The following PIK3C2A variants were observed in gnomAD, a reference collection of about 807,000 sequenced individuals.
The protein encoded by PIK3C2A is phosphatidylinositol 4-phosphate 3-kinase C2 domain-containing subunit alpha.
A neutral mutation model predicts 204.5 loss-of-function variants in PIK3C2A; 97 were observed. The observed-to-expected ratio is 0.47, with a 90% confidence interval of 0.40 to 0.56. PIK3C2A has a LOEUF of 0.56. Ranked by LOEUF, PIK3C2A falls within the 20% of genes least tolerant of loss-of-function variation. The probability of loss-of-function intolerance (pLI) is 0.00; values close to 1 mark genes in which losing one functional copy is unlikely to be tolerated. For synonymous variants in PIK3C2A, 653 were observed against 664.4 expected, an observed-to-expected ratio of 0.98 and a Z score of 0.26; for missense variants, 1,735 against 1,969.2, an observed-to-expected ratio of 0.88 and a Z score of 2.25.
rs770374653 is a variant in PIK3C2A at position 17,168,661 on chromosome 11, T to C, written c.1065+16A>G. Reference sequence around the variant, plus strand: ...TGTTATACTAAGTTTGAGAAGTTAGTAAGAAAAGACTATACCTGAGATATA... The same window carrying C: ...TGTTATACTAAGTTTGAGAAGTTAGCAAGAAAAGACTATACCTGAGATATA... On this transcript the variant is annotated intron_variant, in intron 2 of 32. Transcript: ENST00000691414. The C allele has an allele frequency of 2.6e-5, 37 of 1,442,222 alleles. No individual in the cohort carries two copies. The highest frequency in any genetic ancestry group is 3.5e-5 in the Non-Finnish European group (37 of 1,061,524). 89.3% of individuals were successfully genotyped at this position (1,442,222 alleles called of 1,614,324 possible).
intron 19 of PIK3C2A, 106 bp from the exon 20 acceptor site, chr11:17,114,571 G>A (rs1849118962): frequency 6.9e-6 from 4 of 583,930 alleles, no homozygotes; most frequent in Middle Eastern, 4.6e-4. Context: ...GTTGTCAAAC[G>A]GTGAAAAAAA....
At chr11:17,183,724 A>G (rs950854524) in intron 1 of PIK3C2A, among the ~76,000 whole-genome samples, 72 of 152,200 alleles carry the variant, frequency 4.7e-4, no homozygotes, top group Middle Eastern at 3.4e-3. Flanking sequence ...AGTTATGTAC[A>G]TATAGGAAAA....
chr11:17,090,053 G>A (rs777615544), intron 32 of PIK3C2A, 133 bp from the exon 33 acceptor site: 38 of 649,982 alleles, frequency 5.8e-5, no homozygotes, highest in Non-Finnish European at 9.6e-5. Flanking sequence ...TGACACATCC[G>A]GTAGGTTTTG....
chr11:17,102,583 A>T, intron 24 of PIK3C2A, 79 bp downstream of exon 24: 1 of 1,226,502 alleles, frequency 8.2e-7, no homozygotes, highest in Non-Finnish European at 1.2e-6. Context: ...CCGCGAGGCA[A>T]AACACAAAGC....
At chr11:17,102,354 G>A (rs529519792) in intron 24 of PIK3C2A, among the ~76,000 whole-genome samples, 7 of 152,198 alleles carry the variant, frequency 4.6e-5, no homozygotes, top group Admixed American at 1.3e-4. Context: ...GGAGAATGGC[G>A]TGAACCCGGG....
intron 32 of PIK3C2A, 99 bp from the exon 33 acceptor site, chr11:17,090,019 G>GTC: frequency 1.2e-6 from 1 of 835,144 alleles, no homozygotes; most frequent in Non-Finnish European, 1.9e-6. Context: ...GCCAAAGAGT[G>GTC]ACCACAATGA....
At chr11:17,178,688 G>A (rs1851421865) in intron 1 of PIK3C2A, among the ~76,000 whole-genome samples, 1 of 147,716 alleles carries the variant, frequency 6.8e-6, no homozygotes, top group South Asian at 2.2e-4. Context: ...ACAGGCGCTA[G>A]CCACCACACC....
intron 13 of PIK3C2A, among the ~76,000 whole-genome samples, chr11:17,127,458 GCCA>G (rs1849562569): frequency 6.6e-6 from 1 of 151,884 alleles, no homozygotes; most frequent in African/African-American, 2.4e-5. Context: ...ACAGATGTGC[GCCA>G]CCACACCTGG....
chr11:17,152,144 T>C (rs368141904), intron 3 of PIK3C2A, among the ~76,000 whole-genome samples: 9 of 152,274 alleles, frequency 5.9e-5, no homozygotes, highest in Admixed American at 1.3e-4. Context: ...TCCTTTCTTT[T>C]ACACAACAAT....
Position 17,147,620 on chromosome 11 carries a change from C to G in PIK3C2A, c.1457G>C (p.Cys486Ser), listed in dbSNP as rs757655412. The change falls in exon 6 of 33, where the codon TGC (cysteine) becomes TCC (serine). Residue 486 changes from cysteine to serine, a missense_variant. Cys to Ser is a moderately radical substitution (Grantham distance 112). Coordinates refer to ENST00000691414, the MANE Select transcript of PIK3C2A (RefSeq NM_002645.4). The part of the protein sequence containing the change: ...GQEEVLQNNH[C>S]LGSHEHIQNC... ...TTGAATATGCTCATGACTTCCAAGG[C>G]AATGATTACTGTTAAGATATATTAA... 3 of 1,527,256 alleles carry G rather than the reference C, an allele frequency of 2.0e-6. No individual in the cohort carries two copies. The Admixed American group carries it at 5.0e-5, about 26-fold the overall frequency. 94.6% of individuals were successfully genotyped at this position (1,527,256 alleles called of 1,614,324 possible).
intron 4 of PIK3C2A, 50 bp from the exon 5 acceptor site, chr11:17,148,837 A>C: frequency 6.8e-7 from 1 of 1,473,880 alleles, no homozygotes. Context: ...ATATTTATTC[A>C]AGACTGTATT....
chr11:17,121,926 G>A (rs1405792703), intron 15 of PIK3C2A, among the ~76,000 whole-genome samples: 1 of 150,190 alleles, frequency 6.7e-6, no homozygotes, highest in Non-Finnish European at 1.5e-5. Flanking sequence ...GGTTTGACTT[G>A]ACAAATTTCT....
chr11:17,144,961 C>T (rs1850185677), intron 8 of PIK3C2A, among the ~76,000 whole-genome samples: 1 of 143,726 alleles, frequency 7.0e-6, no homozygotes, highest in South Asian at 2.3e-4. Flanking sequence ...GGATTTTGGA[C>T]TTGCATGGGG....
chr11:17,118,754 A>C lies in PIK3C2A; in HGVS notation c.2941-15T>G. ...TATTTCAAAGCCTACAGTAAAAGAA[A>C]ATAAGAATTATTAGTGGTCTAACCC... On this transcript the variant is annotated splice_polypyrimidine_tract_variant and intron_variant, in intron 17 of 32. Transcript: ENST00000691414. The C allele has an allele frequency of 7.9e-7, 1 of 1,267,940 alleles. No individual in the cohort carries two copies. The highest frequency in any genetic ancestry group is 1.1e-6 in the Non-Finnish European group (1 of 873,264). The allele number at this position is 1,267,940 out of a possible 1,614,324, so 78.5% of individuals were successfully genotyped here. A position where few individuals can be genotyped will look rare whatever the true frequency, so the allele number is the denominator to read the frequency against.
At chr11:17,120,787 A>C (rs1849344010) in intron 15 of PIK3C2A, among the ~76,000 whole-genome samples, 1 of 152,110 alleles carries the variant, frequency 6.6e-6, no homozygotes, top group Non-Finnish European at 1.5e-5. Context: ...AAATTAGTAC[A>C]TACAGCTATA....
rs544023034 is a variant in PIK3C2A at position 17,087,446 on chromosome 11, A to C, written c.*2292T>G. On this transcript the variant is annotated 3_prime_UTR_variant, in exon 33 of 33. Coordinates refer to ENST00000691414, the MANE Select transcript of PIK3C2A (RefSeq NM_002645.4). ...AGTTAAATTAAGAGAAAACATTACC[A>C]CTTGTTCTGAACTCTTAACTGTACA... The C allele has an allele frequency of 1.2e-4, 19 of 152,296 alleles. No homozygotes were observed. The highest frequency in any genetic ancestry group is 3.4e-3 in the Middle Eastern group (1 of 294). The allele number at this position is 152,296 out of a possible 1,614,324, so 9.4% of individuals were successfully genotyped here.
At chr11:17,106,321 A>C (rs1848815227) in intron 22 of PIK3C2A, among the ~76,000 whole-genome samples, 1 of 151,974 alleles carries the variant, frequency 6.6e-6, no homozygotes, top group Non-Finnish European at 1.5e-5. Context: ...CTGATGCATG[A>C]GAATTACTTG....
At chr11:17,200,142 C>T (rs1179699941) in intron 1 of PIK3C2A, among the ~76,000 whole-genome samples, 3 of 151,418 alleles carry the variant, frequency 2.0e-5, no homozygotes, top group South Asian at 2.1e-4. Context: ...GCTGAGATCG[C>T]GCCACTGCAC....
At position 17,134,892 on chromosome 11, in the gene PIK3C2A, C is replaced by T; in HGVS notation, c.2035G>A (p.Ala679Thr). 1 of 1,614,184 alleles carries T rather than the reference C, an allele frequency of 6.2e-7. No individual in the cohort carries two copies. ...CAQSSKSVKE[A>T]WTTTEQLQFT... ...TGGAGCTGCTCTGTTGTAGTCCATG[C>T]TTCCTTGACACTCTTGCTACTTTGG... Residue 679 changes from alanine to threonine, a missense_variant, in exon 11 of 33, where the codon GCA becomes ACA. Ala to Thr is a moderately conservative substitution (Grantham distance 58). Around this residue, in one of 6 missense-constraint regions of PIK3C2A, gnomAD observed 567 missense variants for 576.0 expected, o/e 0.98. Transcript: ENST00000691414.
Sources: allele counts gnomAD v4.1 joint callset (sites outside exome capture counted in the v4.1 genomes callset), GRCh38; gene constraint gnomAD v4.1.1; regional missense constraint gnomAD v4.1.1; transcripts MANE v1.5; gene names NCBI Gene and HGNC (gene_info 2026-07-23, HGNC 2026-07-21).